GABRG3: variants seen among roughly 807,000 people sequenced by gnomAD.
GABRG3 encodes gamma-aminobutyric acid receptor subunit gamma-3.
In GABRG3, 25 loss-of-function variants were observed where a neutral mutation model predicts 48.8. That is an observed-to-expected ratio of 0.51 (90% CI 0.37 to 0.72). The LOEUF (loss-of-function observed/expected upper bound fraction) is 0.72. Ranked by LOEUF, GABRG3 falls within the 30% of genes least tolerant of loss-of-function variation. The pLI, the probability that GABRG3 is intolerant of heterozygous loss-of-function variation, is 0.00. For missense variants in GABRG3, 394 were observed against 577.9 expected (o/e 0.68, Z 3.26); for synonymous variants, 227 against 217.6 (o/e 1.04, Z -0.38).
chr15:27,369,003 C>G (rs1401772632), intron 5 of GABRG3, among the ~76,000 whole-genome samples: 1 of 152,178 alleles, frequency 6.6e-6, no homozygotes, highest in Non-Finnish European at 1.5e-5. Context: ...TTAAGTCATC[C>G]TTTCTCCTTC....
At chr15:27,075,683 G>A (rs993273122) in intron 3 of GABRG3, among the ~76,000 whole-genome samples, 2 of 152,158 alleles carry the variant, frequency 1.3e-5, no homozygotes, top group Admixed American at 1.3e-4. Flanking sequence ...AAAGAAATCC[G>A]TGTCATAAGG....
intron 2 of GABRG3, among the ~76,000 whole-genome samples, chr15:27,017,874 T>C (rs1275018089): frequency 1.3e-5 from 2 of 152,282 alleles, no homozygotes; most frequent in East Asian, 3.9e-4. Flanking sequence ...GGTGTCACTT[T>C]GTTCATGTCA....
At chr15:27,498,883 GT>G (rs1566867938) in intron 6 of GABRG3, among the ~76,000 whole-genome samples, 1 of 152,162 alleles carries the variant, frequency 6.6e-6, no homozygotes, top group Non-Finnish European at 1.5e-5. Flanking sequence ...CAGCTTTACA[GT>G]TTTCACGGTG....
chr15:27,057,476 T>A (rs1896570418), intron 3 of GABRG3, among the ~76,000 whole-genome samples: 1 of 152,150 alleles, frequency 6.6e-6, no homozygotes, highest in African/African-American at 2.4e-5. Flanking sequence ...AACAAAAACA[T>A]TTCAGAGAAT....
chr15:27,471,446 C>T (rs1024545133), intron 5 of GABRG3, among the ~76,000 whole-genome samples: 21 of 152,242 alleles, frequency 1.4e-4, no homozygotes, highest in African/African-American at 4.8e-4. Context: ...AATTCAGGCC[C>T]CTCTCATAAT....
intron 3 of GABRG3, among the ~76,000 whole-genome samples, chr15:27,135,741 C>G (rs1389318182): frequency 6.6e-6 from 1 of 151,998 alleles, no homozygotes; most frequent in South Asian, 2.1e-4. Flanking sequence ...CCCATCTCTA[C>G]TAAAAATACA....
intron 5 of GABRG3, among the ~76,000 whole-genome samples, chr15:27,401,470 T>A (rs755427127): frequency 3.9e-5 from 6 of 152,246 alleles, no homozygotes; most frequent in Non-Finnish European, 4.4e-5. Flanking sequence ...TTTGAAAATG[T>A]GTGAACTTTT....
chr15:27,412,004 T>A (rs1316767523), intron 5 of GABRG3, among the ~76,000 whole-genome samples: 1 of 152,134 alleles, frequency 6.6e-6, no homozygotes, highest in Non-Finnish European at 1.5e-5. Context: ...TTATTTTTCT[T>A]CTGCTTGAAG....
intron 3 of GABRG3, among the ~76,000 whole-genome samples, chr15:27,160,222 T>C (rs1332312817): frequency 2.0e-5 from 3 of 152,182 alleles, no homozygotes; most frequent in Admixed American, 6.5e-5. Flanking sequence ...TAATTTCCCC[T>C]GAGAGTTGTG....
chr15:27,020,988 A>G (rs530604445), intron 2 of GABRG3, among the ~76,000 whole-genome samples: 405 of 152,346 alleles, frequency 2.7e-3, no homozygotes, highest in African/African-American at 9.2e-3. Context: ...GTAATCGGTA[A>G]GGTGACTGTT....
At chr15:27,320,106 C>A (rs865895189) in intron 3 of GABRG3, among the ~76,000 whole-genome samples, 3 of 152,130 alleles carry the variant, frequency 2.0e-5, no homozygotes, top group Non-Finnish European at 4.4e-5. Context: ...AAGGTAAAGC[C>A]CAAGGACCCC....
Position 27,130,560 on chromosome 15 carries a change from T to C in GABRG3, c.270+103739T>C, listed in dbSNP as rs1403491411. Among the ~76,000 whole-genome samples the C allele has an allele frequency of 3.3e-5, 5 of 152,218 alleles. No individual in the cohort carries two copies. In the East Asian group the frequency reaches 9.6e-4, roughly 29 times the overall value. Reference sequence around the variant, plus strand: ...TTTCTATATTAATTCTAGGATTTTCTTTTCAATGTCTGCAAAAATATCATT... The same window carrying C: ...TTTCTATATTAATTCTAGGATTTTCCTTTCAATGTCTGCAAAAATATCATT... On this transcript the variant is annotated intron_variant, in intron 3 of 9. Coordinates refer to ENST00000615808, the MANE Select transcript of GABRG3 (RefSeq NM_033223.5).
At chr15:27,356,542 G>C (rs1894848921) in intron 5 of GABRG3, among the ~76,000 whole-genome samples, 1 of 152,148 alleles carries the variant, frequency 6.6e-6, no homozygotes, top group Non-Finnish European at 1.5e-5. Flanking sequence ...AGGAAAAGCT[G>C]TTGATGGAAC....
At chr15:27,193,432 C>G (rs909091857) in intron 3 of GABRG3, among the ~76,000 whole-genome samples, 1 of 151,914 alleles carries the variant, frequency 6.6e-6, no homozygotes, top group African/African-American at 2.4e-5. Context: ...GGCGGGCGCC[C>G]CTCCCCCAGC....
intron 3 of GABRG3, among the ~76,000 whole-genome samples, chr15:27,229,977 A>C (rs989262676): frequency 6.6e-6 from 1 of 152,080 alleles, no homozygotes; most frequent in African/African-American, 2.4e-5. Context: ...TGAATCTGTA[A>C]ATTTCTTTGG....
chr15:27,177,700 AC>A (rs1179476720), intron 3 of GABRG3, among the ~76,000 whole-genome samples: 1 of 152,210 alleles, frequency 6.6e-6, no homozygotes, highest in Admixed American at 6.5e-5. Flanking sequence ...GACAATTTCA[AC>A]TGTTTGATTT....
intron 6 of GABRG3, among the ~76,000 whole-genome samples, chr15:27,512,630 T>C (rs1890922266): frequency 6.6e-6 from 1 of 152,166 alleles, no homozygotes; most frequent in African/African-American, 2.4e-5. Flanking sequence ...GTTGAGATCC[T>C]CTAGAAAATT....
rs569540163 is a variant in GABRG3 at position 27,019,772 on chromosome 15, G to T, written c.203-6982G>T. ...CAAAAGCAGGAAAGATGGAAGGGAG[G>T]TTCCCAGTTATTGGAAGAGCCTCTT... is the stretch of plus-strand genomic sequence containing the variant. On this transcript the variant is annotated intron_variant, in intron 2 of 9. Coordinates refer to ENST00000615808, the MANE Select transcript of GABRG3 (RefSeq NM_033223.5). Among the ~76,000 whole-genome samples, 3 of 152,270 alleles carry T rather than the reference G, an allele frequency of 2.0e-5. No homozygotes were observed. The South Asian group carries it at 6.2e-4, about 32-fold the overall frequency.
chr15:27,308,482 A>T (rs900596189), intron 3 of GABRG3, among the ~76,000 whole-genome samples: 1 of 148,102 alleles, frequency 6.8e-6, no homozygotes, highest in Admixed American at 6.8e-5. Context: ...TAAACATATA[A>T]TGTAAACATA....
Sources: allele counts gnomAD v4.1 joint callset (sites outside exome capture counted in the v4.1 genomes callset), GRCh38; gene constraint gnomAD v4.1.1; transcripts MANE v1.5; gene names NCBI Gene and HGNC (gene_info 2026-07-23, HGNC 2026-07-21).